STK39: variants seen among roughly 807,000 people sequenced by gnomAD.
STK39 encodes serine/threonine kinase 39, also known as STE20/SPS1-related proline-alanine-rich protein kinase.
Under a neutral mutation model 77.8 loss-of-function variants are expected in STK39, and 20 were observed. The observed-to-expected ratio is 0.26, with a 90% confidence interval of 0.18 to 0.37. The LOEUF (loss-of-function observed/expected upper bound fraction) is 0.37. STK39 is among the 10% of genes least tolerant of loss of function. The pLI is 1.00. For missense variants in STK39, 479 were observed against 656.5 expected (o/e 0.73, Z 2.95); for synonymous variants, 246 against 234.1 (o/e 1.05, Z -0.47).
chr2:167,998,355 G>T (rs567858457), intron 16 of STK39, among the ~76,000 whole-genome samples: 7 of 152,110 alleles, frequency 4.6e-5, no homozygotes, highest in Non-Finnish European at 7.4e-5. Flanking sequence ...CACTAAATTC[G>T]ACTGCAATTA....
intron 16 of STK39, among the ~76,000 whole-genome samples, chr2:167,969,037 G>C (rs1031029124): frequency 1.3e-5 from 2 of 152,146 alleles, no homozygotes; most frequent in African/African-American, 4.8e-5. Context: ...TGACCTTCCT[G>C]AACGAAGTTC....
intron 8 of STK39, among the ~76,000 whole-genome samples, chr2:168,137,064 T>C (rs1454577068): frequency 2.6e-5 from 4 of 152,240 alleles, no homozygotes; most frequent in African/African-American, 9.6e-5. Flanking sequence ...GGTACAATTA[T>C]GGAAACTGTG....
intron 14 of STK39, among the ~76,000 whole-genome samples, chr2:168,026,229 C>G (rs1684695592): frequency 6.6e-6 from 1 of 152,164 alleles, no homozygotes; most frequent in Admixed American, 6.5e-5. Flanking sequence ...TTAAAAAATA[C>G]TAGTAGCGAA....
chr2:168,093,464 T>C (rs967181550), intron 10 of STK39, among the ~76,000 whole-genome samples: 1 of 152,156 alleles, frequency 6.6e-6, no homozygotes, highest in African/African-American at 2.4e-5. Context: ...ATGAGACTTA[T>C]TCACTGTCAC....
At chr2:167,985,079 A>G (rs1683522570) in intron 16 of STK39, among the ~76,000 whole-genome samples, 1 of 152,336 alleles carries the variant, frequency 6.6e-6, no homozygotes. Context: ...TGCATGGGGT[A>G]TGGGTTTGAA....
At chr2:168,068,920 A>G (rs1685867022) in intron 12 of STK39, among the ~76,000 whole-genome samples, 1 of 152,078 alleles carries the variant, frequency 6.6e-6, no homozygotes, top group Admixed American at 6.5e-5. Flanking sequence ...TTTCGTAGAA[A>G]TATTTTTTTT....
chr2:168,049,987 CT>C (rs1242782602), intron 14 of STK39, among the ~76,000 whole-genome samples: 2 of 152,200 alleles, frequency 1.3e-5, no homozygotes, highest in Non-Finnish European at 2.9e-5. Context: ...GAAGGCACAC[CT>C]TCCAAATTAC....
At chr2:168,053,439 T>A (rs1685446862) in intron 14 of STK39, among the ~76,000 whole-genome samples, 1 of 152,136 alleles carries the variant, frequency 6.6e-6, no homozygotes, top group Non-Finnish European at 1.5e-5. Context: ...GGAAAAATAT[T>A]TACCAAGAGG....
Position 168,029,844 on chromosome 2 carries a change from G to A in STK39, c.1377-12749C>T, listed in dbSNP as rs2105337033. On this transcript the variant is annotated intron_variant, in intron 14 of 17. Coordinates refer to ENST00000355999, the MANE Select transcript of STK39 (RefSeq NM_013233.3). ...GGAGACTGGCTTATGTCCTCTCTTG[G>A]AAAGCTGGTGGCTAACACCTAAGAG... Among the ~76,000 whole-genome samples the A allele has an allele frequency of 2.0e-5, 3 of 152,292 alleles. No homozygotes were observed. In the South Asian group the frequency reaches 6.2e-4, roughly 32 times the overall value.
intron 16 of STK39, among the ~76,000 whole-genome samples, chr2:168,002,019 A>C (rs1040738943): frequency 6.6e-6 from 1 of 152,240 alleles, no homozygotes; most frequent in Non-Finnish European, 1.5e-5. Context: ...CTGGAGTTAA[A>C]GGACAGATTA....
chr2:168,193,914 A>T (rs1689403721), intron 1 of STK39, among the ~76,000 whole-genome samples: 1 of 152,154 alleles, frequency 6.6e-6, no homozygotes, highest in Non-Finnish European at 1.5e-5. Flanking sequence ...GGGGCCAGGT[A>T]CCCACCTCCT....
intron 1 of STK39, among the ~76,000 whole-genome samples, chr2:168,237,733 T>C (rs1690656976): frequency 6.6e-6 from 1 of 152,220 alleles, no homozygotes; most frequent in African/African-American, 2.4e-5. Flanking sequence ...AGTTTTCAGT[T>C]ACAAGACAAA....
chr2:167,979,281 T>C (rs1279856519), intron 16 of STK39, among the ~76,000 whole-genome samples: 1 of 152,252 alleles, frequency 6.6e-6, no homozygotes, highest in Non-Finnish European at 1.5e-5. Flanking sequence ...GTACCATTTT[T>C]ACATTCCCAC....
chr2:168,220,242 C>G (rs1339017491), intron 1 of STK39, among the ~76,000 whole-genome samples: 1 of 152,100 alleles, frequency 6.6e-6, no homozygotes, highest in African/African-American at 2.4e-5. Context: ...CAATTCGCAA[C>G]AGCAACAAAT....
intron 1 of STK39, among the ~76,000 whole-genome samples, chr2:168,194,540 C>A (rs1358733110): frequency 6.6e-6 from 1 of 152,002 alleles, no homozygotes; most frequent in Non-Finnish European, 1.5e-5. Flanking sequence ...AAATTCACTA[C>A]AAATGAAAGA....
chr2:168,132,649 A>T (rs1190636343), intron 8 of STK39, among the ~76,000 whole-genome samples: 1 of 152,080 alleles, frequency 6.6e-6, no homozygotes, highest in African/African-American at 2.4e-5. Flanking sequence ...AGCCAATTTA[A>T]ATGTCATCTT....
intron 12 of STK39, among the ~76,000 whole-genome samples, chr2:168,066,037 C>CAAA (rs1416555102): frequency 1.3e-5 from 2 of 150,850 alleles, no homozygotes; most frequent in African/African-American, 4.9e-5. Context: ...CCAACAACAA[C>CAAA]AACAAAAAAA....
chr2:168,051,592 GA>G (rs1440390370), intron 14 of STK39, among the ~76,000 whole-genome samples: 3 of 152,138 alleles, frequency 2.0e-5, no homozygotes, highest in African/African-American at 7.2e-5. Flanking sequence ...CTTAAGATGA[GA>G]GGAGAGCAAG....
intron 15 of STK39, among the ~76,000 whole-genome samples, chr2:168,016,349 T>C (rs1307822084): frequency 7.1e-6 from 1 of 140,208 alleles, no homozygotes; most frequent in East Asian, 2.2e-4. Context: ...TGGCCAAGTA[T>C]TGCCCAGGAA....
Sources: allele counts gnomAD v4.1 joint callset (sites outside exome capture counted in the v4.1 genomes callset), GRCh38; gene constraint gnomAD v4.1.1; transcripts MANE v1.5; gene names NCBI Gene and HGNC (gene_info 2026-07-23, HGNC 2026-07-21).